Variants in HNRNPC observed in about 807,000 individuals in gnomAD.
HNRNPC encodes heterogeneous nuclear ribonucleoproteins C1/C2.
Under a neutral mutation model 33.2 loss-of-function variants are expected in HNRNPC, and 3 were observed. That is an observed-to-expected ratio of 0.09 (90% confidence interval 0.04 to 0.23). HNRNPC has a LOEUF of 0.23. Ranked by LOEUF, HNRNPC falls within the 10% of genes least tolerant of loss-of-function variation. The pLI, the probability that HNRNPC is intolerant of heterozygous loss-of-function variation, is 1.00. For missense variants in HNRNPC, 143 were observed against 366.7 expected (o/e 0.39, Z 4.98); for synonymous variants, 121 against 126.7 (o/e 0.96, Z 0.30).
At position 21,231,362 on chromosome 14, in the gene HNRNPC, A is replaced by T. The variant is rs1232099814; in HGVS notation, c.242-290T>A. The T allele has an allele frequency of 5.8e-6, 3 of 514,464 alleles. No individual in the cohort carries two copies. In the East Asian group the frequency reaches 1.6e-4, roughly 27 times the overall value. 31.9% of individuals were successfully genotyped at this position (514,464 alleles called of 1,614,324 possible). On this transcript the variant is annotated intron_variant, in intron 3 of 8. Transcript: ENST00000553300. Reference sequence around the variant, plus strand: ...TAAATTAGAAAATGTGGAACAAAACAACTCATCTTTCCTTAAGACACTGTC... The same window carrying T: ...TAAATTAGAAAATGTGGAACAAAACTACTCATCTTTCCTTAAGACACTGTC...
intron 2 of HNRNPC, among the ~76,000 whole-genome samples, chr14:21,249,491 G>A (rs997207807): frequency 5.3e-5 from 8 of 150,650 alleles, no homozygotes; most frequent in African/African-American, 1.7e-4. Flanking sequence ...GGAGGCTGAG[G>A]CTAGAGAATT....
chr14:21,220,743 C>G (rs1003648172), intron 5 of HNRNPC, among the ~76,000 whole-genome samples: 3 of 151,770 alleles, frequency 2.0e-5, no homozygotes, highest in Non-Finnish European at 4.4e-5. Context: ...TAATAAAGAT[C>G]AAAGCAGGGG....
At chr14:21,258,582 A>G (rs563879871) in intron 2 of HNRNPC, among the ~76,000 whole-genome samples, 15 of 151,998 alleles carry the variant, frequency 9.9e-5, no homozygotes, top group Non-Finnish European at 2.2e-4. Flanking sequence ...ATCTACTCCT[A>G]CTCAAGGTTT....
intron 5 of HNRNPC, among the ~76,000 whole-genome samples, chr14:21,226,316 C>A (rs560531228): frequency 7.3e-6 from 1 of 136,246 alleles, no homozygotes; most frequent in Non-Finnish European, 1.6e-5. Flanking sequence ...GCACGAGACT[C>A]GTTTCCAAAA....
chr14:21,223,757 A>T, intron 5 of HNRNPC, among the ~76,000 whole-genome samples: 1 of 152,156 alleles, frequency 6.6e-6, no homozygotes, highest in East Asian at 1.9e-4. Context: ...CAAAAAACAA[A>T]AAACAAACAA....
chr14:21,217,059 C>T (rs1207653369), intron 5 of HNRNPC, among the ~76,000 whole-genome samples: 1 of 152,194 alleles, frequency 6.6e-6, no homozygotes, highest in Non-Finnish European at 1.5e-5. Context: ...AATTAGGAGT[C>T]AAATTCTCTA....
At chr14:21,231,751 T>C (rs1470918442) in intron 3 of HNRNPC, among the ~76,000 whole-genome samples, 1 of 152,210 alleles carries the variant, frequency 6.6e-6, no homozygotes, top group Non-Finnish European at 1.5e-5. Context: ...CAGATACCAC[T>C]TCAACTCAAC....
chr14:21,249,603 A>AC (rs1566634036), intron 2 of HNRNPC, among the ~76,000 whole-genome samples: 5 of 148,316 alleles, frequency 3.4e-5, no homozygotes, highest in African/African-American at 1.3e-4. Flanking sequence ...CAAAAAAAAA[A>AC]AAAAAAAAAA....
intron 3 of HNRNPC, chr14:21,231,542 G>A: frequency 5.2e-6 from 2 of 382,204 alleles, no homozygotes; most frequent in Admixed American, 6.1e-5. Flanking sequence ...GGGGTCACGT[G>A]ATCTGCCTTG....
intron 2 of HNRNPC, among the ~76,000 whole-genome samples, chr14:21,243,812 A>G (rs938715933): frequency 2.6e-5 from 4 of 152,218 alleles, no homozygotes; most frequent in East Asian, 1.9e-4. Flanking sequence ...GACAGCCATT[A>G]AACAAAAACA....
At chr14:21,227,399 A>G (rs1893592349) in intron 5 of HNRNPC, among the ~76,000 whole-genome samples, 1 of 152,244 alleles carries the variant, frequency 6.6e-6, no homozygotes, top group Admixed American at 6.5e-5. Flanking sequence ...TCCACTAGTT[A>G]TCAGTAATCA....
At chr14:21,227,673 T>C (rs1893629803) in intron 5 of HNRNPC, among the ~76,000 whole-genome samples, 1 of 152,224 alleles carries the variant, frequency 6.6e-6, no homozygotes, top group African/African-American at 2.4e-5. Context: ...CTCTGCAGTA[T>C]ATATCTCATT....
In HNRNPC at chr14:21,248,789, C is replaced by T. The variant is rs79157388; in HGVS notation, c.-37+14522G>A. On this transcript the variant is annotated intron_variant, in intron 2 of 8. Transcript: ENST00000553300. ...TCCGTATGAACCCATACTGCATTTC[C>T]AGAAAACGGGATCATTACATCAAAA... 6.8e-3 allele frequency among the ~76,000 whole-genome samples: 1,029 copies of T among 152,272 alleles called. 14 individuals are homozygous for T. The highest frequency in any genetic ancestry group is 0.022 in the African/African-American group (930 of 41,548).
intron 1 of HNRNPC, among the ~76,000 whole-genome samples, chr14:21,266,921 T>C (rs912938305): frequency 2.0e-5 from 3 of 150,642 alleles, no homozygotes; most frequent in East Asian, 1.9e-4. Flanking sequence ...TGAAACCCCG[T>C]CTCTACTAAA....
At chr14:21,233,153 T>C (rs1286102953) in intron 3 of HNRNPC, among the ~76,000 whole-genome samples, 1 of 152,174 alleles carries the variant, frequency 6.6e-6, no homozygotes, top group East Asian at 1.9e-4. Context: ...CCATATAAAG[T>C]GTTTCAAAAC....
At position 21,231,082 on chromosome 14, in the gene HNRNPC, A is replaced by G. The variant is rs1894056813; in HGVS notation, c.242-10T>C. 3 of 1,608,938 alleles carry G rather than the reference A, an allele frequency of 1.9e-6. No homozygotes were observed. The East Asian group carries it at 6.7e-5, about 36-fold the overall frequency. ...GCAGCCAGGTTAATATCTGAAAAAC[A>G]AAAGTAAAAATGTTAATGACAACTT... On this transcript the variant is annotated splice_polypyrimidine_tract_variant and intron_variant, in intron 3 of 8. Transcript: ENST00000553300.
At chr14:21,266,861 C>A (rs1008779480) in intron 1 of HNRNPC, among the ~76,000 whole-genome samples, 1 of 151,730 alleles carries the variant, frequency 6.6e-6, no homozygotes, top group Admixed American at 6.6e-5. Context: ...GAGGCCAAGG[C>A]AGGAGGACTC....
At chr14:21,249,593 CAAAAA>C (rs756880620) in intron 2 of HNRNPC, among the ~76,000 whole-genome samples, 32 of 83,454 alleles carry the variant, frequency 3.8e-4, no homozygotes, top group African/African-American at 7.9e-4. Flanking sequence ...GTCTCAAAAA[CAAAAA>C]AAAAAAAAAA....
intron 2 of HNRNPC, among the ~76,000 whole-genome samples, chr14:21,251,441 G>A (rs1566636364): frequency 6.6e-6 from 1 of 152,012 alleles, no homozygotes; most frequent in Non-Finnish European, 1.5e-5. Context: ...CACTTTGGGA[G>A]GCAGAGGCGG....
Sources: allele counts gnomAD v4.1 joint callset (sites outside exome capture counted in the v4.1 genomes callset), GRCh38; gene constraint gnomAD v4.1.1; transcripts MANE v1.5; gene names NCBI Gene and HGNC (gene_info 2026-07-23, HGNC 2026-07-21).